GLB1L3: variants seen among roughly 807,000 people sequenced by gnomAD.
The protein encoded by GLB1L3 is beta-galactosidase-1-like protein 3.
A neutral mutation model predicts 89.5 loss-of-function variants in GLB1L3; 89 were observed. The observed-to-expected ratio is 0.99, with a 90% confidence interval of 0.84 to 1.19. The LOEUF is 1.19. Among genes scored for constraint, GLB1L3 ranks in the 50% most tolerant of loss-of-function variants. GLB1L3 has a pLI of 0.00. For synonymous variants in GLB1L3, 314 were observed against 312.3 expected (o/e 1.01, Z -0.06); for missense variants, 812 against 813.3 (o/e 1.00, Z 0.02).
intron 9 of GLB1L3, among the ~76,000 whole-genome samples, chr11:134,303,322 T>C (rs1305611022): frequency 6.6e-6 from 1 of 152,254 alleles, no homozygotes; most frequent in Non-Finnish European, 1.5e-5. Context: ...TATTTGGAGC[T>C]GTCAGTCATT....
chr11:134,286,765 A>T (rs1329258843), intron 6 of GLB1L3, among the ~76,000 whole-genome samples: 3 of 151,204 alleles, frequency 2.0e-5, no homozygotes, highest in Non-Finnish European at 4.4e-5. Context: ...CGACAGAGCG[A>T]GACTCCGTCT....
chr11:134,276,651 G>C lies in GLB1L3; in HGVS notation c.-90G>C. 5.0e-6 allele frequency: 6 copies of C among 1,199,336 alleles called. No individual in the cohort carries two copies. Among genetic ancestry groups the C allele is most frequent in the Non-Finnish European group, 6.5e-6 (6 of 928,284 alleles). 74.3% of individuals were successfully genotyped at this position (1,199,336 alleles called of 1,614,324 possible). On this transcript the variant is annotated 5_prime_UTR_variant, in exon 1 of 20. Transcript: ENST00000431683. ...AGACCTGAGCCTGCCCCGCGGAACC[G>C]GGGCTCGAGTCCCGGCCCGAGCGCG...
chr11:134,323,232 A>T (rs1943186771), downstream of GLB1L3, among the ~76,000 whole-genome samples: 1 of 152,202 alleles, frequency 6.6e-6, no homozygotes. Flanking sequence ...TTAAGATAAC[A>T]AAAATTGGCT....
chr11:134,323,801 T>A (rs1166312325), downstream of GLB1L3, among the ~76,000 whole-genome samples: 1 of 152,206 alleles, frequency 6.6e-6, no homozygotes. Flanking sequence ...TTTTTTCTTT[T>A]TTGCTGAAGC....
chr11:134,300,072 G>C (rs1485047558), intron 9 of GLB1L3, among the ~76,000 whole-genome samples: 1 of 152,142 alleles, frequency 6.6e-6, no homozygotes, highest in Non-Finnish European at 1.5e-5. Flanking sequence ...CTTTGTTAGG[G>C]TTGCCATAGC....
intron 9 of GLB1L3, among the ~76,000 whole-genome samples, chr11:134,296,695 G>A (rs1465853837): frequency 8.6e-6 from 1 of 115,706 alleles, no homozygotes; most frequent in Non-Finnish European, 1.7e-5. Flanking sequence ...ACTGTTGTGG[G>A]GTGGGGGGAG....
chr11:134,293,995 C>T (rs371734166), intron 9 of GLB1L3, among the ~76,000 whole-genome samples: 4 of 152,242 alleles, frequency 2.6e-5, no homozygotes, highest in Admixed American at 6.5e-5. Context: ...GACTCTGCAG[C>T]TTCAGGGCTC....
At chr11:134,311,414 CCTGT>C (rs1400109939) in intron 13 of GLB1L3, 9 of 488,280 alleles carry the variant, frequency 1.8e-5, no homozygotes, top group Non-Finnish European at 3.4e-5. Context: ...CTTAGATGAA[CCTGT>C]CTGGAGATGC....
chr11:134,297,910 T>A (rs1301124961), intron 9 of GLB1L3, among the ~76,000 whole-genome samples: 5 of 148,760 alleles, frequency 3.4e-5, no homozygotes, highest in Non-Finnish European at 6.0e-5. Flanking sequence ...TATATATATA[T>A]AATTTAAAAA....
intron 10 of GLB1L3, among the ~76,000 whole-genome samples, chr11:134,308,494 A>C: frequency 1.4e-4 from 1 of 7,364 alleles, no homozygotes; most frequent in South Asian, 3.5e-3. Context: ...CACCATCACC[A>C]CCAAATACCA....
Position 134,276,663 on chromosome 11 carries a change from C to A in GLB1L3, c.-78C>A. On this transcript the variant is annotated 5_prime_UTR_variant, in exon 1 of 20. Coordinates refer to ENST00000431683, the MANE Select transcript of GLB1L3 (RefSeq NM_001080407.3). ...GCCCCGCGGAACCGGGGCTCGAGTC[C>A]CGGCCCGAGCGCGGCGTCGGGGCCA... 1 of 1,293,424 alleles carries A rather than the reference C, an allele frequency of 7.7e-7. No individual in the cohort carries two copies. Among genetic ancestry groups the A allele is most frequent in the Non-Finnish European group, 1.0e-6 (1 of 1,001,536 alleles). 80.1% of individuals were successfully genotyped at this position (1,293,424 alleles called of 1,614,324 possible). A position where few individuals can be genotyped will look rare whatever the true frequency, so the allele number is the denominator to read the frequency against.
At chr11:134,307,920 G>A (rs1024350648) in intron 10 of GLB1L3, among the ~76,000 whole-genome samples, 8 of 152,060 alleles carry the variant, frequency 5.3e-5, no homozygotes, top group African/African-American at 2.4e-5. Flanking sequence ...AAGATATTTC[G>A]AAAGAGCTGT....
At chr11:134,312,107 G>A (rs755444485) in intron 13 of GLB1L3, 10 of 459,444 alleles carry the variant, frequency 2.2e-5, no homozygotes, top group Non-Finnish European at 3.8e-5. Context: ...CATTTCCTCT[G>A]TTAATCAGTT....
chr11:134,309,558 G>A, intron 10 of GLB1L3, 68 bp from the exon 11 acceptor site: 1 of 1,326,950 alleles, frequency 7.5e-7, no homozygotes, highest in Non-Finnish European at 1.0e-6. Context: ...AAGGATAAGA[G>A]TTTGCCAGAG....
In GLB1L3 at chr11:134,293,217, A is replaced by G; in HGVS notation, c.876+8A>G. ...CAGCTTCATAAAGTCCAGGTAAGACATTTCAGACAGGCAGGGTTTTACAGC... is the reference window on the plus strand; with the variant it reads ...CAGCTTCATAAAGTCCAGGTAAGACGTTTCAGACAGGCAGGGTTTTACAGC... On this transcript the variant is annotated splice_region_variant and intron_variant, in intron 9 of 19. Transcript: ENST00000431683. 6.2e-7 allele frequency: 1 copy of G among 1,611,950 alleles called. No individual in the cohort carries two copies. The highest frequency in any genetic ancestry group is 8.5e-7 in the Non-Finnish European group (1 of 1,178,196).
chr11:134,321,471 T>G (rs1943168003), downstream of GLB1L3, among the ~76,000 whole-genome samples: 1 of 152,176 alleles, frequency 6.6e-6, no homozygotes, highest in Non-Finnish European at 1.5e-5. Context: ...CATGCACACG[T>G]ATGTTTATTG....
intron 11 of GLB1L3, chr11:134,309,982 C>T (rs1942644299): frequency 1.2e-5 from 7 of 573,684 alleles, no homozygotes; most frequent in Non-Finnish European, 1.9e-5. Context: ...TAGAGCTCCG[C>T]TTCACACATC....
At chr11:134,285,261 T>C (rs969313766) in intron 6 of GLB1L3, among the ~76,000 whole-genome samples, 33 of 152,126 alleles carry the variant, frequency 2.2e-4, no homozygotes, top group Admixed American at 7.9e-4. Flanking sequence ...CCAGACCTCA[T>C]GCACTTGATA....
At chr11:134,314,512 C>G in intron 18 of GLB1L3, 71 bp downstream of exon 18, 1 of 958,756 alleles carries the variant, frequency 1.0e-6, no homozygotes, top group Non-Finnish European at 1.6e-6. Flanking sequence ...TGAAGCAAAG[C>G]CAGCGTTCCT....
Sources: allele counts gnomAD v4.1 joint callset (sites outside exome capture counted in the v4.1 genomes callset), GRCh38; gene constraint gnomAD v4.1.1; transcripts MANE v1.5; gene names NCBI Gene and HGNC (gene_info 2026-07-23, HGNC 2026-07-21).